Variants in FCHO1 observed in about 807,000 individuals in gnomAD.
FCHO1 encodes F-BAR domain only protein 1.
In FCHO1, 45 loss-of-function variants were observed where a neutral mutation model predicts 114.4. The ratio of observed to expected loss-of-function variants is 0.39; its 90% CI spans 0.31 to 0.50. FCHO1 has a LOEUF of 0.50. Ranked by LOEUF, FCHO1 falls within the 20% of genes least tolerant of loss-of-function variation. FCHO1 has a pLI of 0.77. For synonymous variants in FCHO1, 480 were observed against 488.9 expected (o/e 0.98, Z 0.24); for missense variants, 1,042 against 1,209.6 (o/e 0.86, Z 2.06).
At chr19:17,761,482 A>G (rs1304947935) in intron 4 of FCHO1, among the ~76,000 whole-genome samples, 2 of 151,660 alleles carry the variant, frequency 1.3e-5, no homozygotes, top group East Asian at 1.9e-4. Context: ...GTGTATAGAA[A>G]CGCTACTGAT....
rs2092632655 is a variant in FCHO1, at chr19:17,776,359, C to G, written c.1207+88C>G. The G allele has an allele frequency of 6.5e-7, 1 of 1,544,534 alleles. No individual in the cohort carries two copies. The highest frequency in any genetic ancestry group is 9.0e-7 in the Non-Finnish European group (1 of 1,116,994). ...CTTGAATCATAACTCCGTTTTGTAACTTTGGGCAGGCTGCTTAACCACACT... is the reference window on the plus strand; with the variant it reads ...CTTGAATCATAACTCCGTTTTGTAAGTTTGGGCAGGCTGCTTAACCACACT... On this transcript the variant is annotated intron_variant, in intron 17 of 28. Transcript: ENST00000596536. This position sits in a 1 kb window ranked among gnomAD's most constrained non-coding sequence, Gnocchi z 4.4.
chr19:17,766,918 G>A, intron 7 of FCHO1, 108 bp downstream of exon 7: 1 of 1,193,814 alleles, frequency 8.4e-7, no homozygotes, highest in African/African-American at 1.5e-5. Flanking sequence ...CCGCCTCCGA[G>A]AATTCCGTTA....
chr19:17,773,299 G>GT (rs1436164245), intron 11 of FCHO1, among the ~76,000 whole-genome samples: 4 of 152,232 alleles, frequency 2.6e-5, no homozygotes, highest in Non-Finnish European at 5.9e-5. Context: ...AAGTGAGGAT[G>GT]TAATAATGTT....
chr19:17,777,535 C>CAAAAA (rs34293409), intron 18 of FCHO1, among the ~76,000 whole-genome samples: 1 of 74,808 alleles, frequency 1.3e-5, no homozygotes, highest in African/African-American at 5.5e-5. Flanking sequence ...AACTCCGTCT[C>CAAAAA]AAAAAAAAAA....
At position 17,784,587 on chromosome 19, in the gene FCHO1, C is replaced by G. The variant is rs2093705021; in HGVS notation, c.2227-138C>G. 1.2e-6 allele frequency: 1 copy of G among 829,986 alleles called. No homozygotes were observed. Among genetic ancestry groups the G allele is most frequent in the East Asian group, 2.4e-5 (1 of 41,002 alleles). 51.4% of individuals were successfully genotyped at this position (829,986 alleles called of 1,614,324 possible). A position where few individuals can be genotyped will look rare whatever the true frequency, so the allele number is the denominator to read the frequency against. Reference sequence around the variant, plus strand: ...GGAAACCTGGTGTAATACAGCCTCTCATCCATCAAATCTCCCTGTGACTGG... The same window carrying G: ...GGAAACCTGGTGTAATACAGCCTCTGATCCATCAAATCTCCCTGTGACTGG... On this transcript the variant is annotated intron_variant, in intron 25 of 28. Coordinates refer to ENST00000596536, the MANE Select transcript of FCHO1 (RefSeq NM_015122.3). The surrounding 1 kb of genome is among the most constrained non-coding windows in gnomAD (Gnocchi z 5.3).
At chr19:17,760,859 G>A (rs555319421) in intron 4 of FCHO1, among the ~76,000 whole-genome samples, 3 of 152,178 alleles carry the variant, frequency 2.0e-5, no homozygotes, top group East Asian at 3.9e-4. Flanking sequence ...ATTTTGGCCA[G>A]GCTGGTCTCG....
At chr19:17,778,941 C>G (rs2093010961) in intron 20 of FCHO1, 57 bp downstream of exon 20, 1 of 1,459,320 alleles carries the variant, frequency 6.9e-7, no homozygotes. Context: ...GGGGATTGAG[C>G]GCCTGCTTTG....
In FCHO1 at chr19:17,781,324, C is replaced by T. The variant is rs1389976815; in HGVS notation, c.1721C>T (p.Thr574Ile). 2 of 1,613,958 alleles carry T rather than the reference C, an allele frequency of 1.2e-6. No homozygotes were observed. Among genetic ancestry groups the T allele is most frequent in the Non-Finnish European group, 8.5e-7 (1 of 1,179,864 alleles). The change falls in exon 21 of 29, where the codon ACA becomes ATA. Residue 574 changes from threonine to isoleucine, a missense_variant. This residue lies in a region of FCHO1 where 455 missense variants were observed against 455.4 expected (regional missense o/e 1.00). Transcript: ENST00000596536. ...TCTAGGAAGGTGTCCTGCCCTCTCACACGTAGCAATGGGGACCTGGTAGGT... is the reference window on the plus strand; with the variant it reads ...TCTAGGAAGGTGTCCTGCCCTCTCATACGTAGCAATGGGGACCTGGTAGGT... ...LRSRKVSCPL[T>I]RSNGDLSRSL...
Position 17,772,447 on chromosome 19 carries a change from C to G in FCHO1, c.595-10C>G. 1 of 1,612,712 alleles carries G rather than the reference C, an allele frequency of 6.2e-7. No homozygotes were observed. Among genetic ancestry groups the G allele is most frequent in the Non-Finnish European group, 8.5e-7 (1 of 1,178,838 alleles). ...CCTCCTTTCCACCTGCCTCTGCCCT[C>G]CTGCTTCAGCGCTTCCAAGCCATGG... On this transcript the variant is annotated splice_polypyrimidine_tract_variant and intron_variant, in intron 9 of 28. Coordinates refer to ENST00000596536, the MANE Select transcript of FCHO1 (RefSeq NM_015122.3).
In FCHO1 at chr19:17,770,458, G is replaced by C; in HGVS notation, c.370G>C (p.Val124Leu). ...KEEVVSTLDA[V>L]QVLSGVSQLL... ...GGAAGTGGTGAGCACCTTGGATGCTGTGCAGGTACTCTCGGGCGTCAGCCA... is the reference window on the plus strand; with the variant it reads ...GGAAGTGGTGAGCACCTTGGATGCTCTGCAGGTACTCTCGGGCGTCAGCCA... Residue 124 changes from valine to leucine, a missense_variant, in exon 8 of 29, where the codon GTG (valine) becomes CTG (leucine). This residue lies in a region of FCHO1 where 450 missense variants were observed against 564.1 expected (regional missense o/e 0.80). Coordinates refer to ENST00000596536, the MANE Select transcript of FCHO1 (RefSeq NM_015122.3). The C allele has an allele frequency of 6.2e-7, 1 of 1,613,804 alleles. No individual in the cohort carries two copies. Among genetic ancestry groups the C allele is most frequent in the Non-Finnish European group, 8.5e-7 (1 of 1,179,910 alleles).
chr19:17,766,177 A>ATT (rs1205212543), intron 6 of FCHO1, among the ~76,000 whole-genome samples: 13 of 96,022 alleles, frequency 1.4e-4, no homozygotes, highest in African/African-American at 2.0e-4. Flanking sequence ...GGCGTGAACC[A>ATT]TTTTTTTTTT....
rs2093992971 is a variant in FCHO1 at position 17,787,273 on chromosome 19, CA to C, written c.2483-408del. ...AAAAAAGCTGGAGGAGGGCCAAGGACAGTGGCATAGGTCTGTAATCCCAGTG... is the reference window on the plus strand; with the variant it reads ...AAAAAAGCTGGAGGAGGGCCAAGGACGTGGCATAGGTCTGTAATCCCAGTG... On this transcript the variant is annotated intron_variant, in intron 27 of 28. Transcript: ENST00000596536. Among the ~76,000 whole-genome samples the C allele has an allele frequency of 4.1e-5, 5 of 121,008 alleles. No individual in the cohort carries two copies. In the South Asian group the frequency reaches 1.5e-3, roughly 35 times the overall value. 79.4% of individuals were successfully genotyped at this position (121,008 alleles called of 152,430 possible).
intron 27 of FCHO1, among the ~76,000 whole-genome samples, chr19:17,786,869 G>T (rs1476026356): frequency 6.6e-6 from 1 of 151,838 alleles, no homozygotes; most frequent in Non-Finnish European, 1.5e-5. Context: ...AGTGACCCGT[G>T]ATCGTACCAC....
intron 9 of FCHO1, among the ~76,000 whole-genome samples, chr19:17,772,102 C>T (rs534742430): frequency 3.3e-5 from 5 of 152,318 alleles, no homozygotes; most frequent in African/African-American, 7.2e-5. Flanking sequence ...TGATACACCA[C>T]AGCTGACCAC....
chr19:17,783,204 G>C, intron 24 of FCHO1, 32 bp downstream of exon 24: 1 of 1,602,684 alleles, frequency 6.2e-7, no homozygotes, highest in Non-Finnish European at 8.5e-7. Context: ...AGAGGGCCTC[G>C]GAGGCTGCTG....
chr19:17,770,249 C>T (rs1396746323), intron 7 of FCHO1, among the ~76,000 whole-genome samples, 176 bp from the exon 8 acceptor site: 3 of 152,000 alleles, frequency 2.0e-5, no homozygotes, highest in African/African-American at 7.3e-5. Context: ...TGCAGTGAGT[C>T]GAGATCGTGC....
At position 17,783,099 on chromosome 19, in the gene FCHO1, C is replaced by T. The variant is rs143845923; in HGVS notation, c.2020C>T (p.Pro674Ser). ...VRVFSGTPPPPVLSFRLVHTT... is the reference protein window; with the variant it reads ...VRVFSGTPPPSVLSFRLVHTT... ...TGTGTTCAGCGGGACCCCACCACCA[C>T]CTGTCCTCAGCTTCCGGCTTGTACA... The change falls in exon 24 of 29, where the codon CCT (proline) becomes TCT (serine). Residue 674 changes from proline (P) to serine (S), a missense_variant. By Grantham distance (74) the Pro-to-Ser change is moderately conservative. This residue lies in a region of FCHO1 where 455 missense variants were observed against 455.4 expected (regional missense o/e 1.00). Transcript: ENST00000596536. 1 of 1,614,026 alleles carries T rather than the reference C, an allele frequency of 6.2e-7. No homozygotes were observed. Among genetic ancestry groups the T allele is most frequent in the African/African-American group, 1.3e-5 (1 of 74,908 alleles).
chr19:17,777,996 G>A, intron 18 of FCHO1, 141 bp from the exon 19 acceptor site: 1 of 601,870 alleles, frequency 1.7e-6, no homozygotes, highest in South Asian at 2.0e-5. Context: ...CTGAGATCGT[G>A]CCACTGCACT....
intron 4 of FCHO1, among the ~76,000 whole-genome samples, chr19:17,757,049 C>T (rs957486684): frequency 4.6e-5 from 7 of 152,000 alleles, no homozygotes; most frequent in African/African-American, 1.7e-4. Flanking sequence ...ATTAGCCGGG[C>T]ATAGTAGCAT....
Sources: gnomAD v4.1 joint callset for allele counts (sites outside exome capture counted in the v4.1 genomes callset) on GRCh38, gnomAD v4.1.1 for gene constraint, gnomAD v4.1.1 regional missense constraint, Gnocchi (gnomAD v3.1) non-coding constraint, MANE v1.5 for transcripts, NCBI Gene and HGNC (gene_info 2026-07-23, HGNC 2026-07-21) for gene names.